SOX5: variants seen among roughly 807,000 people sequenced by gnomAD.
The protein encoded by SOX5 is transcription factor SOX-5.
SOX5 carries 9 observed loss-of-function variants against 92.0 expected under a neutral mutation model. The observed-to-expected ratio is 0.10, with a 90% confidence interval of 0.06 to 0.17. SOX5 has a LOEUF of 0.17. SOX5 is among the 10% of genes least tolerant of loss of function. The pLI is 1.00. For missense variants in SOX5, 642 were observed against 944.5 expected (o/e 0.68, Z 4.20); for synonymous variants, 344 against 336.3 (o/e 1.02, Z -0.25).
chr12:23,543,451 T>C (rs940422053), intron 12 of SOX5, 67 bp from the exon 13 acceptor site: 6 of 1,227,320 alleles, frequency 4.9e-6, no homozygotes, highest in Non-Finnish European at 7.1e-6. Flanking sequence ...CTTGCATTCC[T>C]ATTTTTCAGT....
chr12:24,553,565 GC>G (rs1239359528), intron 1 of SOX5, among the ~76,000 whole-genome samples: 20 of 152,216 alleles, frequency 1.3e-4, no homozygotes, highest in Admixed American at 7.2e-4. Flanking sequence ...ACAATTCAAT[GC>G]CCTCAGGGAG....
chr12:23,665,223 G>A (rs968268940), intron 7 of SOX5, among the ~76,000 whole-genome samples: 2 of 152,132 alleles, frequency 1.3e-5, no homozygotes, highest in Non-Finnish European at 2.9e-5. Context: ...GTAAATCGAA[G>A]TCATGAAATT....
intron 2 of SOX5, among the ~76,000 whole-genome samples, chr12:24,313,647 C>T (rs1485793704): frequency 6.6e-6 from 1 of 152,214 alleles, no homozygotes; most frequent in Non-Finnish European, 1.5e-5. Context: ...CATTGGACTA[C>T]TTTGTGCGTA....
intron 1 of SOX5, among the ~76,000 whole-genome samples, chr12:23,935,274 T>G (rs1229095494): frequency 6.6e-6 from 1 of 151,270 alleles, no homozygotes; most frequent in Non-Finnish European, 1.5e-5. Flanking sequence ...TCATCATGGC[T>G]ACAAATTAAA....
intron 2 of SOX5, among the ~76,000 whole-genome samples, chr12:23,849,867 T>G (rs1382910898): frequency 6.6e-6 from 1 of 152,146 alleles, no homozygotes; most frequent in East Asian, 1.9e-4. Context: ...TGGTACTCAG[T>G]AGTCTATGTT....
chr12:24,129,804 G>A (rs1949472294), intron 4 of SOX5, among the ~76,000 whole-genome samples: 1 of 152,220 alleles, frequency 6.6e-6, no homozygotes, highest in Non-Finnish European at 1.5e-5. Context: ...AAAATATTGG[G>A]AGAAAGTTTT....
intron 2 of SOX5, among the ~76,000 whole-genome samples, chr12:24,355,125 G>A (rs1954631936): frequency 1.3e-5 from 2 of 152,022 alleles, no homozygotes; most frequent in African/African-American, 4.8e-5. Context: ...GGACCCAAAT[G>A]TGTAAATGAA....
At chr12:24,174,554 T>G (rs935057364) in intron 4 of SOX5, among the ~76,000 whole-genome samples, 6 of 152,220 alleles carry the variant, frequency 3.9e-5, no homozygotes, top group Admixed American at 3.3e-4. Flanking sequence ...GGAAATAATT[T>G]TTCTGCCTTA....
intron 1 of SOX5, among the ~76,000 whole-genome samples, chr12:23,932,864 T>C (rs1216743243): frequency 6.6e-6 from 1 of 151,668 alleles, no homozygotes; most frequent in Admixed American, 6.6e-5. Flanking sequence ...AGAATAATTA[T>C]GCCACAGACA....
At chr12:23,647,960 C>T (rs1120631) in intron 7 of SOX5, among the ~76,000 whole-genome samples, 10,556 of 152,270 alleles carry the variant, frequency 0.069, 491 homozygotes, top group Non-Finnish European at 0.098. Context: ...GCATTCGCAA[C>T]TTGTCTGTCT....
chr12:24,527,839 C>T (rs1431644169), intron 1 of SOX5, among the ~76,000 whole-genome samples: 1 of 152,166 alleles, frequency 6.6e-6, no homozygotes, highest in Non-Finnish European at 1.5e-5. Context: ...AAAACAAAAA[C>T]ACTTTTTTCT....
chr12:23,805,018 T>A (rs1029391835), intron 3 of SOX5, among the ~76,000 whole-genome samples: 1 of 143,830 alleles, frequency 7.0e-6, no homozygotes, highest in Admixed American at 7.3e-5. Flanking sequence ...TGTGACAAGG[T>A]TGGCACCTTA....
chr12:23,697,907 C>T (rs77371220), intron 6 of SOX5, among the ~76,000 whole-genome samples: 3,218 of 152,212 alleles, frequency 0.021, 133 homozygotes, highest in African/African-American at 0.074. Context: ...TACAATCTTG[C>T]TATTTGTTTT....
chr12:24,504,620 G>A (rs894492253), intron 1 of SOX5, among the ~76,000 whole-genome samples: 1 of 152,058 alleles, frequency 6.6e-6, no homozygotes, highest in African/African-American at 2.4e-5. Flanking sequence ...GACATCAAGT[G>A]CAAAAATAGT....
intron 1 of SOX5, among the ~76,000 whole-genome samples, chr12:24,482,289 T>C (rs1566274522): frequency 6.6e-6 from 1 of 152,166 alleles, no homozygotes; most frequent in African/African-American, 2.4e-5. Context: ...AAATGACAGT[T>C]TCTCTTGACA....
At chr12:23,962,978 T>C (rs1414233981) in intron 4 of SOX5, among the ~76,000 whole-genome samples, 1 of 152,192 alleles carries the variant, frequency 6.6e-6, no homozygotes, top group African/African-American at 2.4e-5. Context: ...ATTAAAACTG[T>C]TAAATTAAAT....
chr12:23,813,703 A>G (rs906092686), intron 3 of SOX5, among the ~76,000 whole-genome samples: 2 of 152,206 alleles, frequency 1.3e-5, no homozygotes, highest in African/African-American at 4.8e-5. Flanking sequence ...TACAGAAGAA[A>G]GAGCATGCAT....
intron 1 of SOX5, among the ~76,000 whole-genome samples, chr12:24,488,483 G>A (rs1052872946): frequency 6.6e-6 from 1 of 152,092 alleles, no homozygotes; most frequent in African/African-American, 2.4e-5. Context: ...TACTTGAGGG[G>A]CTGAGGCCAG....
intron 1 of SOX5, among the ~76,000 whole-genome samples, chr12:24,446,683 G>C (rs1941530197): frequency 6.6e-6 from 1 of 152,192 alleles, no homozygotes; most frequent in Non-Finnish European, 1.5e-5. Flanking sequence ...AACCAGGTAA[G>C]AGGTCATTGC....
Sources: allele counts gnomAD v4.1 joint callset (sites outside exome capture counted in the v4.1 genomes callset), GRCh38; gene constraint gnomAD v4.1.1; transcripts MANE v1.5; gene names NCBI Gene and HGNC (gene_info 2026-07-23, HGNC 2026-07-21).